NTM: variants seen among roughly 807,000 people sequenced by gnomAD.
The protein encoded by NTM is neurotrimin, also known as IgLON family member 2.
In NTM, 13 loss-of-function variants were observed where a neutral mutation model predicts 42.1. That is an observed-to-expected ratio of 0.31 (90% CI 0.20 to 0.49). The LOEUF is 0.49. Ranked by LOEUF, NTM falls within the 20% of genes least tolerant of loss-of-function variation. The pLI, the probability that NTM is intolerant of heterozygous loss-of-function variation, is 0.99. For missense variants in NTM, 373 were observed against 452.8 expected (o/e 0.82, Z 1.60); for synonymous variants, 187 against 179.2 (o/e 1.04, Z -0.35).
chr11:131,631,748 C>T (rs565676080), intron 1 of NTM, among the ~76,000 whole-genome samples: 5 of 152,238 alleles, frequency 3.3e-5, no homozygotes, highest in Admixed American at 6.5e-5. Flanking sequence ...CTGTGATTGG[C>T]GCATGCATTC....
intron 3 of NTM, among the ~76,000 whole-genome samples, chr11:132,161,091 T>C (rs1235907886): frequency 6.6e-6 from 1 of 152,144 alleles, no homozygotes; most frequent in African/African-American, 2.4e-5. Context: ...ACCTCCATGG[T>C]TCACAGCTTT....
At chr11:131,872,799 G>C (rs187610638) in intron 1 of NTM, among the ~76,000 whole-genome samples, 14 of 152,118 alleles carry the variant, frequency 9.2e-5, no homozygotes, top group African/African-American at 2.9e-4. Context: ...GATTTATAGG[G>C]GACAATGTTG....
intron 3 of NTM, among the ~76,000 whole-genome samples, chr11:132,189,003 G>A (rs776013056): frequency 2.4e-4 from 37 of 152,176 alleles, no homozygotes; most frequent in Non-Finnish European, 4.4e-4. Context: ...AAGAAAGGAG[G>A]CCTACATGAT....
intron 1 of NTM, among the ~76,000 whole-genome samples, chr11:131,654,752 C>G (rs1465806751): frequency 6.6e-6 from 1 of 152,124 alleles, no homozygotes. Context: ...CCCTCTCTCA[C>G]CATGTGACAC....
intron 1 of NTM, among the ~76,000 whole-genome samples, chr11:131,479,610 G>C (rs765464578): frequency 1.3e-5 from 2 of 152,190 alleles, no homozygotes; most frequent in Non-Finnish European, 2.9e-5. Flanking sequence ...AGAAAAGTGG[G>C]CTCTGCAATT....
intron 2 of NTM, among the ~76,000 whole-genome samples, chr11:131,926,602 G>C (rs1474434798): frequency 6.6e-6 from 1 of 152,168 alleles, no homozygotes; most frequent in Non-Finnish European, 1.5e-5. Context: ...GTGTCTGTAA[G>C]TGCTCTTTCC....
intron 1 of NTM, among the ~76,000 whole-genome samples, chr11:131,621,253 C>T (rs1323947575): frequency 6.6e-6 from 1 of 152,144 alleles, no homozygotes; most frequent in Non-Finnish European, 1.5e-5. Context: ...AGGTATTTAT[C>T]CCCTAAAAAC....
chr11:132,037,173 C>T (rs1037076390), intron 2 of NTM, among the ~76,000 whole-genome samples: 5 of 152,062 alleles, frequency 3.3e-5, no homozygotes, highest in Non-Finnish European at 5.9e-5. Context: ...AATGCTTCCT[C>T]TTGGGGGGTG....
intron 2 of NTM, among the ~76,000 whole-genome samples, chr11:131,964,977 G>T (rs902470010): frequency 2.0e-5 from 3 of 152,148 alleles, no homozygotes; most frequent in African/African-American, 7.2e-5. Flanking sequence ...GGTCTGTGAG[G>T]ACAGGAGCCT....
At position 132,008,231 on chromosome 11, in the gene NTM, A is replaced by T. The variant is rs377075234; in HGVS notation, c.167+96583A>T. On this transcript the variant is annotated intron_variant, in intron 2 of 8. Coordinates refer to ENST00000683400, the MANE Select transcript of NTM (RefSeq NM_001352005.2). Reference sequence around the variant, plus strand: ...ACGCTCACTTTACCCCTCGCCACTTATGGGATGCATCTCTTTGGACAAGGT... The same window carrying T: ...ACGCTCACTTTACCCCTCGCCACTTTTGGGATGCATCTCTTTGGACAAGGT... 6.6e-5 allele frequency among the ~76,000 whole-genome samples: 10 copies of T among 152,212 alleles called. No homozygotes were observed. In the East Asian group the frequency reaches 1.4e-3, roughly 21 times the overall value.
At chr11:131,406,847 G>A (rs551709505) in intron 1 of NTM, among the ~76,000 whole-genome samples, 9 of 152,250 alleles carry the variant, frequency 5.9e-5, no homozygotes, top group Non-Finnish European at 1.3e-4. Flanking sequence ...CTCCCAGAGT[G>A]CACAAATGTG....
intron 2 of NTM, among the ~76,000 whole-genome samples, chr11:132,125,311 G>C (rs1262227808): frequency 3.3e-5 from 5 of 150,664 alleles, no homozygotes; most frequent in African/African-American, 1.2e-4. Context: ...GTGTGGTGTG[G>C]TATGTGGTAT....
At chr11:132,109,487 A>G (rs1013147582) in intron 2 of NTM, among the ~76,000 whole-genome samples, 1 of 152,224 alleles carries the variant, frequency 6.6e-6, no homozygotes, top group Non-Finnish European at 1.5e-5. Flanking sequence ...AATGATAAAT[A>G]AATTTCTGTT....
At chr11:132,067,436 TC>T (rs1430045282) in intron 2 of NTM, among the ~76,000 whole-genome samples, 2 of 152,158 alleles carry the variant, frequency 1.3e-5, no homozygotes, top group Non-Finnish European at 2.9e-5. Context: ...AGTCCCAAAC[TC>T]AGCATCTAGA....
chr11:131,969,223 G>T (rs1234947159), intron 2 of NTM, among the ~76,000 whole-genome samples: 1 of 152,126 alleles, frequency 6.6e-6, no homozygotes, highest in Non-Finnish European at 1.5e-5. Flanking sequence ...ACTTTCCTGG[G>T]TTCATGTGTC....
intron 1 of NTM, among the ~76,000 whole-genome samples, chr11:131,775,524 A>C (rs2086822833): frequency 6.6e-6 from 1 of 152,176 alleles, no homozygotes; most frequent in Non-Finnish European, 1.5e-5. Context: ...ATAAATCCCC[A>C]AAGAGAAAAC....
intron 4 of NTM, among the ~76,000 whole-genome samples, chr11:132,276,599 G>A (rs1209121506): frequency 6.6e-6 from 1 of 152,188 alleles, no homozygotes; most frequent in Non-Finnish European, 1.5e-5. Context: ...GAATTTTGGT[G>A]CACCTTAGGC....
chr11:132,253,906 G>A (rs769663236), intron 4 of NTM, among the ~76,000 whole-genome samples: 3 of 152,306 alleles, frequency 2.0e-5, no homozygotes, highest in Non-Finnish European at 4.4e-5. Context: ...TGAGGACCTC[G>A]TGCAGAGGAC....
chr11:131,903,607 T>C (rs181236836), intron 1 of NTM, among the ~76,000 whole-genome samples: 163 of 152,304 alleles, frequency 1.1e-3, no homozygotes, highest in African/African-American at 3.7e-3. Context: ...TGGAAGGCCA[T>C]ATAAGAAGGG....
Sources: gnomAD v4.1 joint callset for allele counts (sites outside exome capture counted in the v4.1 genomes callset) on GRCh38, gnomAD v4.1.1 for gene constraint, MANE v1.5 for transcripts, NCBI Gene and HGNC (gene_info 2026-07-23, HGNC 2026-07-21) for gene names.